The following ZNF37A variants were observed in gnomAD, a reference collection of about 807,000 sequenced individuals.
The protein encoded by ZNF37A is zinc finger protein 37A, also known as zinc finger protein 37a (KOX 21).
A neutral mutation model predicts 12.3 loss-of-function variants in ZNF37A; 10 were observed. The observed-to-expected ratio is 0.82, with a 90% confidence interval of 0.50 to 1.38. The LOEUF (loss-of-function observed/expected upper bound fraction) is 1.38, where lower values mean the gene tolerates loss of function less well. Among genes scored for constraint, ZNF37A ranks in the 40% most tolerant of loss-of-function variants. The probability of loss-of-function intolerance (pLI) is 0.00; values close to 1 mark genes in which losing one functional copy is unlikely to be tolerated. For synonymous variants in ZNF37A, 207 were observed against 223.0 expected (o/e 0.93, Z 0.64); for missense variants, 580 against 651.2 (o/e 0.89, Z 1.19).
chr10:38,115,580 A>C (rs1010640843), intron 7 of ZNF37A: 1 of 194,940 alleles, frequency 5.1e-6, no homozygotes, highest in South Asian at 1.5e-4. Flanking sequence ...TCATGTACCC[A>C]TCATTGAGAT....
At chr10:38,147,988 CACAT>C (rs1291231127) in exon 8 of ZNF37A, 1 of 152,174 alleles carries the variant, frequency 6.6e-6, no homozygotes. Context: ...AAGAAAATAA[CACAT>C]AGATAATCTG....
At position 38,121,547 on chromosome 10, in the gene ZNF37A, G is replaced by A. The variant is rs2069698382; in HGVS notation, c.*2710G>A. 3 of 152,422 alleles carry A rather than the reference G, an allele frequency of 2.0e-5. No individual in the cohort carries two copies. Among genetic ancestry groups the A allele is most frequent in the Admixed American group, 6.5e-5 (1 of 15,268 alleles). The allele number at this position is 152,422 out of a possible 1,614,324, so 9.4% of individuals were successfully genotyped here. A position where few individuals can be genotyped will look rare whatever the true frequency, so the allele number is the denominator to read the frequency against. On this transcript the variant is annotated 3_prime_UTR_variant, in exon 8 of 8. Transcript: ENST00000685332. ...GGGTGAGGTGTGGAAGGGACAGGGG[G>A]AGGAGATGGGCAGCATTGTTGAGAG...
chr10:38,132,410 G>C (rs1489913361), intron 7 of ZNF37A, among the ~76,000 whole-genome samples: 3 of 151,990 alleles, frequency 2.0e-5, no homozygotes, highest in African/African-American at 4.8e-5. Context: ...TGCATTAGTT[G>C]ATATATTTGT....
At chr10:38,096,345 G>T (rs2067153661) in intron 4 of ZNF37A, among the ~76,000 whole-genome samples, 1 of 152,134 alleles carries the variant, frequency 6.6e-6, no homozygotes, top group South Asian at 2.1e-4. Flanking sequence ...TGCTTAATTA[G>T]TTTAATATAT....
rs1051698277 is a variant in ZNF37A, at chr10:38,119,445, A to C, written c.*608A>C. The stretch of plus-strand genomic sequence containing the variant: ...TATATGTAATAAGAAGTAGCTTCTC[A>C]GTGAACATCAGATAGTAGAGAAAGT... On this transcript the variant is annotated 3_prime_UTR_variant, in exon 8 of 8. Transcript: ENST00000685332. 9.5e-6 allele frequency: 9 copies of C among 950,002 alleles called. No individual in the cohort carries two copies. In the Admixed American group the frequency reaches 1.9e-4, roughly 20 times the overall value. 58.8% of individuals were successfully genotyped at this position (950,002 alleles called of 1,614,324 possible).
At chr10:38,148,913 C>T (rs1313427621) in exon 8 of ZNF37A, 1 of 151,974 alleles carries the variant, frequency 6.6e-6, no homozygotes, top group African/African-American at 2.4e-5. Context: ...TCCTGGCTCA[C>T]CACAGCCTCT....
downstream of ZNF37A, among the ~76,000 whole-genome samples, chr10:38,126,495 C>A (rs544947398): frequency 2.8e-4 from 43 of 152,204 alleles, no homozygotes; most frequent in Non-Finnish European, 5.4e-4. Flanking sequence ...TGGCAATACT[C>A]GTCTTAGTGA....
chr10:38,116,982 G>T (rs771006809), intron 7 of ZNF37A: 3 of 159,962 alleles, frequency 1.9e-5, no homozygotes, highest in Non-Finnish European at 4.0e-5. Context: ...GGTTGCGTAT[G>T]CCTGTAGTCC....
intron 5 of ZNF37A, among the ~76,000 whole-genome samples, chr10:38,111,206 C>A (rs1408677729): frequency 5.9e-5 from 9 of 152,186 alleles, no homozygotes. Context: ...AGCTGGAAAC[C>A]ATCATTCTCA....
rs189282405 is a variant in ZNF37A at position 38,123,252 on chromosome 10, T to C, written c.*4415T>C. On this transcript the variant is annotated 3_prime_UTR_variant, in exon 8 of 8. Coordinates refer to ENST00000685332, the MANE Select transcript of ZNF37A (RefSeq NM_001324250.3). ...TGTTTATACACATTTCATACCTGTATTAAAATATCTCATGTACCCCATAAA... is the reference window on the plus strand; with the variant it reads ...TGTTTATACACATTTCATACCTGTACTAAAATATCTCATGTACCCCATAAA... The C allele has an allele frequency of 9.2e-5, 14 of 152,246 alleles. No individual in the cohort carries two copies. The East Asian group carries it at 1.9e-3, about 21-fold the overall frequency. The allele number at this position is 152,246 out of a possible 1,614,324, so 9.4% of individuals were successfully genotyped here. A position where few individuals can be genotyped will look rare whatever the true frequency, so the allele number is the denominator to read the frequency against.
At chr10:38,099,901 G>C (rs983527481) in intron 5 of ZNF37A, among the ~76,000 whole-genome samples, 10 of 152,196 alleles carry the variant, frequency 6.6e-5, no homozygotes, top group Non-Finnish European at 1.0e-4. Context: ...TCATAAGCTT[G>C]TTGACCATTT....
chr10:38,101,178 T>C (rs2067537156), intron 5 of ZNF37A, among the ~76,000 whole-genome samples: 1 of 152,214 alleles, frequency 6.6e-6, no homozygotes, highest in South Asian at 2.1e-4. Flanking sequence ...ATTTTTAAGT[T>C]TGATATAGTC....
chr10:38,117,837 A>G lies in ZNF37A; in HGVS notation c.686A>G (p.Asn229Ser). The change falls in exon 8 of 8, where the codon AAT becomes AGT. Residue 229 changes from asparagine (N) to serine (S), a missense_variant. Coordinates refer to ENST00000685332, the MANE Select transcript of ZNF37A (RefSeq NM_001324250.3). ...GTTTACCCATTCAGCCAGAAGTTAAATCTCACTCCAATTCAGAGAACCCAC... is the reference window on the plus strand; with the variant it reads ...GTTTACCCATTCAGCCAGAAGTTAAGTCTCACTCCAATTCAGAGAACCCAC... ...QSVYPFSQKLNLTPIQRTHSI... is the reference protein window; with the variant it reads ...QSVYPFSQKLSLTPIQRTHSI... 1 of 1,614,036 alleles carries G rather than the reference A, an allele frequency of 6.2e-7. No homozygotes were observed.
chr10:38,132,054 T>C (rs1199233334), intron 7 of ZNF37A, among the ~76,000 whole-genome samples: 1 of 152,198 alleles, frequency 6.6e-6, no homozygotes, highest in Admixed American at 6.5e-5. Flanking sequence ...TAGGTTCATG[T>C]CATCTGCAAA....
At position 38,118,723 on chromosome 10, in the gene ZNF37A, A is replaced by T. The variant is rs1215620157; in HGVS notation, c.1572A>T (p.Glu524Asp). 1.2e-6 allele frequency: 2 copies of T among 1,613,930 alleles called. No homozygotes were observed. The highest frequency in any genetic ancestry group is 4.5e-5 in the East Asian group (2 of 44,852). ...CACACACAGGGGAGAAACCCTATGA[A>T]TGTAATGTTTGTGGAAAATCATTCT... Reference protein sequence around the residue: ...HRTHTGEKPYECNVCGKSFYV... With the variant: ...HRTHTGEKPYDCNVCGKSFYV... The change falls in exon 8 of 8, where the codon GAA (glutamate) becomes GAT (aspartate). Residue 524 changes from glutamate to aspartate, a missense_variant. Glu to Asp is a conservative substitution (Grantham distance 45). Transcript: ENST00000685332.
At chr10:38,112,785 C>CGG (rs1564932460) in intron 5 of ZNF37A, among the ~76,000 whole-genome samples, 1,692 of 51,670 alleles carry the variant, frequency 0.033, 217 homozygotes, top group Middle Eastern at 0.047. Context: ...CTTTTCTTTT[C>CGG]TTTTCTTTTC....
intron 5 of ZNF37A, among the ~76,000 whole-genome samples, chr10:38,113,196 T>C (rs1205256614): frequency 3.3e-5 from 5 of 150,500 alleles, no homozygotes; most frequent in Non-Finnish European, 5.9e-5. Context: ...GCTCTTTTTT[T>C]AGTCTGTGAT....
In ZNF37A at chr10:38,105,092, G is replaced by A. The variant is rs2067949580; in HGVS notation, c.15+8460G>A. On this transcript the variant is annotated intron_variant, in intron 5 of 7. Coordinates refer to ENST00000685332, the MANE Select transcript of ZNF37A (RefSeq NM_001324250.3). ...ATGATCTCAGCTCACCGCAACCTCC[G>A]CCTTCTGGGTTCAAGTGATTCTCCT... 4.7e-5 allele frequency among the ~76,000 whole-genome samples: 7 copies of A among 150,178 alleles called. No homozygotes were observed. In the South Asian group the frequency reaches 8.4e-4, roughly 18 times the overall value.
chr10:38,114,407 G>A (rs1360700176), intron 5 of ZNF37A, among the ~76,000 whole-genome samples: 1 of 152,194 alleles, frequency 6.6e-6, no homozygotes, highest in Non-Finnish European at 1.5e-5. Flanking sequence ...AAGTCCTGTG[G>A]TAGGTATGTC....
Sources: allele counts gnomAD v4.1 joint callset (sites outside exome capture counted in the v4.1 genomes callset), GRCh38; gene constraint gnomAD v4.1.1; transcripts MANE v1.5; gene names NCBI Gene and HGNC (gene_info 2026-07-23, HGNC 2026-07-21).